The following GSTCD variants were observed in gnomAD, a reference collection of about 807,000 sequenced individuals.
GSTCD encodes glutathione S-transferase C-terminal domain-containing protein.
Under a neutral mutation model 68.3 loss-of-function variants are expected in GSTCD, and 44 were observed. That is an observed-to-expected ratio of 0.64 (90% CI 0.51 to 0.83). GSTCD has a LOEUF of 0.83. Among genes scored for constraint, GSTCD ranks in the 40% least tolerant of loss-of-function variants. GSTCD has a pLI of 0.00. For missense variants in GSTCD, 739 were observed against 735.9 expected, an observed-to-expected ratio of 1.00 and a Z score of -0.05; for synonymous variants, 273 against 255.2, an observed-to-expected ratio of 1.07 and a Z score of -0.67.
intron 5 of GSTCD, among the ~76,000 whole-genome samples, chr4:105,739,622 GT>G (rs1733566154): frequency 6.6e-6 from 1 of 152,196 alleles, no homozygotes; most frequent in African/African-American, 2.4e-5. Context: ...CCAATGTACT[GT>G]TTTTCGAAGA....
intron 5 of GSTCD, among the ~76,000 whole-genome samples, chr4:105,767,491 G>C (rs1236584400): frequency 5.0e-5 from 1 of 20,020 alleles, no homozygotes; most frequent in Non-Finnish European, 9.2e-5. Context: ...GGTTTTCAAT[G>C]GTTTTATTAG....
At chr4:105,723,217 T>A (rs1446092337) in intron 3 of GSTCD, among the ~76,000 whole-genome samples, 1 of 151,970 alleles carries the variant, frequency 6.6e-6, no homozygotes, top group Non-Finnish European at 1.5e-5. Context: ...CTAATCTATT[T>A]CCAAGCAATT....
intron 8 of GSTCD, among the ~76,000 whole-genome samples, chr4:105,833,104 T>C (rs1412919619): frequency 6.6e-6 from 1 of 152,224 alleles, no homozygotes; most frequent in Admixed American, 6.5e-5. Flanking sequence ...CTTGCTTTCC[T>C]CTTCCTGATA....
chr4:105,746,062 G>C (rs1223794037), intron 5 of GSTCD, among the ~76,000 whole-genome samples: 1 of 151,974 alleles, frequency 6.6e-6, no homozygotes, highest in Non-Finnish European at 1.5e-5. Context: ...ATAACATGGG[G>C]GTTAGGGTCG....
At chr4:105,746,132 G>T (rs1166254816) in intron 5 of GSTCD, 3 of 152,042 alleles carry the variant, frequency 2.0e-5, no homozygotes, top group African/African-American at 7.2e-5. Context: ...AAACTTAATA[G>T]CCTACTGTTG....
intron 5 of GSTCD, among the ~76,000 whole-genome samples, chr4:105,740,468 ACTT>A (rs1560805019): frequency 1.3e-5 from 2 of 151,860 alleles, no homozygotes; most frequent in African/African-American, 4.8e-5. Flanking sequence ...AGTTTCTGTT[ACTT>A]CTTTGATGTA....
At chr4:105,765,886 C>G (rs1734586908) in intron 5 of GSTCD, among the ~76,000 whole-genome samples, 1 of 152,154 alleles carries the variant, frequency 6.6e-6, no homozygotes, top group South Asian at 2.1e-4. Context: ...TCCCCTTCCG[C>G]CAGGATTGTA....
At chr4:105,832,898 G>A (rs1361675474) in intron 8 of GSTCD, among the ~76,000 whole-genome samples, 1 of 152,184 alleles carries the variant, frequency 6.6e-6, no homozygotes, top group East Asian at 1.9e-4. Context: ...AGAAGCAGAT[G>A]AGAAATCAAG....
intron 8 of GSTCD, among the ~76,000 whole-genome samples, chr4:105,830,888 CA>C (rs888102924): frequency 6.6e-6 from 1 of 150,698 alleles, no homozygotes; most frequent in Non-Finnish European, 1.5e-5. Context: ...TATAAATGTG[CA>C]AAAAAAAGGC....
Position 105,742,476 on chromosome 4 carries a change from C to T in GSTCD, c.1240+12977C>T, listed in dbSNP as rs113417335. 6.6e-3 allele frequency among the ~76,000 whole-genome samples: 999 copies of T among 152,178 alleles called. 13 individuals carry two copies. Among genetic ancestry groups the T allele is most frequent in the African/African-American group, 0.023 (939 of 41,496 alleles). Reference sequence around the variant, plus strand: ...TTAGTTAGCTACCTAGCTAGATAACCCATGGCCAGATACTCAACTTCTCCG... The same window carrying T: ...TTAGTTAGCTACCTAGCTAGATAACTCATGGCCAGATACTCAACTTCTCCG... On this transcript the variant is annotated intron_variant, in intron 5 of 11. Transcript: ENST00000515279.
intron 5 of GSTCD, among the ~76,000 whole-genome samples, chr4:105,731,614 A>G (rs1352487131): frequency 6.6e-6 from 1 of 152,218 alleles, no homozygotes; most frequent in Non-Finnish European, 1.5e-5. Context: ...TTATCAGCTT[A>G]AAGAGATTTT....
At chr4:105,794,243 C>T (rs953661974) in intron 5 of GSTCD, among the ~76,000 whole-genome samples, 12 of 151,784 alleles carry the variant, frequency 7.9e-5, no homozygotes, top group African/African-American at 2.9e-4. Context: ...CAGTGGTTGC[C>T]GGACTACTGG....
chr4:105,726,943 T>A, intron 4 of GSTCD, 113 bp downstream of exon 4: 1 of 867,738 alleles, frequency 1.2e-6, no homozygotes, highest in Non-Finnish European at 1.7e-6. Flanking sequence ...ATTTTATTTG[T>A]AGCTTTCTTC....
intron 5 of GSTCD, among the ~76,000 whole-genome samples, chr4:105,758,218 G>A (rs1018952177): frequency 9.9e-5 from 15 of 151,940 alleles, no homozygotes; most frequent in Non-Finnish European, 1.5e-4. Context: ...TATCATTATC[G>A]CAGATAACAC....
Position 105,719,105 on chromosome 4 carries a change from A to C in GSTCD, c.472A>C (p.Ile158Leu). The change falls in exon 3 of 12, where the codon ATT becomes CTT. Residue 158 changes from isoleucine (I) to leucine (L), a missense_variant. Physicochemically the swap from Ile to Leu is conservative, Grantham distance 5. Transcript: ENST00000515279. ...RLCELTIPLAIENFLRESSDQ... is the reference protein window; with the variant it reads ...RLCELTIPLALENFLRESSDQ... ...ATGTGAACTCACCATCCCTTTGGCT[A>C]TTGAGAATTTTCTCAGAGAATCTTC... The C allele has an allele frequency of 6.2e-7, 1 of 1,614,082 alleles. No homozygotes were observed. Among genetic ancestry groups the C allele is most frequent in the Non-Finnish European group, 8.5e-7 (1 of 1,179,974 alleles).
intron 5 of GSTCD, among the ~76,000 whole-genome samples, chr4:105,799,814 CAAAA>C (rs5860815): frequency 3.4e-5 from 4 of 116,514 alleles, no homozygotes; most frequent in African/African-American, 2.8e-5. Context: ...CACAGCGTTG[CAAAA>C]AAAAAAAAAA....
In GSTCD at chr4:105,737,792, G is replaced by A. The variant is rs79151480; in HGVS notation, c.1240+8293G>A. Among the ~76,000 whole-genome samples the A allele has an allele frequency of 4.4e-3, 675 of 152,298 alleles. 7 individuals carry two copies. The highest frequency in any genetic ancestry group is 0.015 in the African/African-American group (636 of 41,564). ...GTTGGCTATAAATGAGTGGAGATAC[G>A]CTTTGGATATTTGTCCTCTGTAAAT... On this transcript the variant is annotated intron_variant, in intron 5 of 11. Transcript: ENST00000515279.
At chr4:105,811,975 G>C (rs1032997902) in intron 5 of GSTCD, among the ~76,000 whole-genome samples, 1 of 152,150 alleles carries the variant, frequency 6.6e-6, no homozygotes. Context: ...GACATGTTTG[G>C]CTTGAAGTCT....
At chr4:105,727,896 A>C (rs1437336866) in intron 4 of GSTCD, among the ~76,000 whole-genome samples, 1 of 152,202 alleles carries the variant, frequency 6.6e-6, no homozygotes, top group Non-Finnish European at 1.5e-5. Flanking sequence ...ATCGAGTTAC[A>C]CTGGAAAAAT....
Sources: allele counts gnomAD v4.1 joint callset (sites outside exome capture counted in the v4.1 genomes callset), GRCh38; gene constraint gnomAD v4.1.1; transcripts MANE v1.5; gene names NCBI Gene and HGNC (gene_info 2026-07-23, HGNC 2026-07-21).